KCNMA1: variants seen among roughly 807,000 people sequenced by gnomAD.
The protein encoded by KCNMA1 is Calcium-activated potassium channel subunit alpha-1.
In KCNMA1, 29 loss-of-function variants were observed where a neutral mutation model predicts 140.0. The observed-to-expected ratio is 0.21, with a 90% CI of 0.15 to 0.28. The LOEUF (loss-of-function observed/expected upper bound fraction) is 0.28. KCNMA1 is among the 10% of genes least tolerant of loss of function. KCNMA1 has a pLI of 1.00. For synonymous variants in KCNMA1, 612 were observed against 611.9 expected, an observed-to-expected ratio of 1.00 and a Z score of 0.00; for missense variants, 880 against 1,602.2, an observed-to-expected ratio of 0.55 and a Z score of 7.70.
intron 2 of KCNMA1, among the ~76,000 whole-genome samples, chr10:77,262,931 T>C (rs545151098): frequency 9.2e-5 from 14 of 152,338 alleles, no homozygotes; most frequent in African/African-American, 3.4e-4. Flanking sequence ...TTGCACAATG[T>C]GAATGTACTA....
intron 19 of KCNMA1, among the ~76,000 whole-genome samples, chr10:76,982,153 A>G (rs2079700791): frequency 6.6e-6 from 1 of 152,192 alleles, no homozygotes; most frequent in South Asian, 2.1e-4. Context: ...GATGCACAAT[A>G]AGAGAGAACC....
At chr10:77,587,679 G>T in intron 1 of KCNMA1, 1 of 984,690 alleles carries the variant, frequency 1.0e-6, no homozygotes, top group Non-Finnish European at 1.2e-6. Flanking sequence ...TCTGTGGAAG[G>T]TACACATCAG....
chr10:77,305,528 A>G (rs760939370), intron 2 of KCNMA1, among the ~76,000 whole-genome samples: 2 of 152,332 alleles, frequency 1.3e-5, no homozygotes, highest in South Asian at 4.1e-4. Context: ...ACATCTCTTC[A>G]GGTTCTCAGA....
intron 2 of KCNMA1, among the ~76,000 whole-genome samples, chr10:77,359,879 C>A (rs907014314): frequency 7.9e-5 from 12 of 152,200 alleles, no homozygotes. Context: ...GTGCCTGGCA[C>A]ACAGTAGGTG....
chr10:77,132,970 G>A (rs974609799), intron 5 of KCNMA1, among the ~76,000 whole-genome samples: 12 of 151,992 alleles, frequency 7.9e-5, no homozygotes, highest in African/African-American at 1.9e-4. Flanking sequence ...TAAAATCTCT[G>A]GAAATAAATG....
At chr10:77,262,580 G>T (rs996000874) in intron 2 of KCNMA1, among the ~76,000 whole-genome samples, 2 of 152,012 alleles carry the variant, frequency 1.3e-5, no homozygotes, top group Admixed American at 1.3e-4. Flanking sequence ...AGGCGTTTTG[G>T]TCATGGGGGT....
At chr10:77,072,991 G>T in intron 14 of KCNMA1, 106 bp downstream of exon 14, 1 of 1,059,718 alleles carries the variant, frequency 9.4e-7, no homozygotes, top group Non-Finnish European at 1.5e-6. Context: ...CTTAACCCAA[G>T]TGGTTAGAGC....
intron 1 of KCNMA1, among the ~76,000 whole-genome samples, chr10:77,556,199 T>C (rs1362950695): frequency 2.6e-5 from 4 of 152,066 alleles, no homozygotes; most frequent in Non-Finnish European, 4.4e-5. Flanking sequence ...TCAAAGTAAT[T>C]GCGAGGAATT....
intron 3 of KCNMA1, among the ~76,000 whole-genome samples, chr10:77,207,925 A>G (rs2044673154): frequency 6.6e-6 from 1 of 152,248 alleles, no homozygotes; most frequent in African/African-American, 2.4e-5. Context: ...CAAGCCAGGA[A>G]TGATGGCTCT....
chr10:77,612,599 G>T (rs1486131855), intron 1 of KCNMA1, among the ~76,000 whole-genome samples: 1 of 152,162 alleles, frequency 6.6e-6, no homozygotes, highest in East Asian at 1.9e-4. Flanking sequence ...AGAACAGGCG[G>T]CTGCACAGGC....
Position 77,420,746 on chromosome 10 carries a change from T to C in KCNMA1, c.379-16723A>G, listed in dbSNP as rs185701570. 3.0e-3 allele frequency among the ~76,000 whole-genome samples: 450 copies of C among 152,316 alleles called. 1 individual carries two copies. The highest frequency in any genetic ancestry group is 9.4e-3 in the African/African-American group (392 of 41,578). ...AACCAGGAAGGAAGGTTCTTTAGGT[T>C]GTCAGAGAACACAAAGGGCCTGGCA... On this transcript the variant is annotated intron_variant, in intron 1 of 27. Coordinates refer to ENST00000286628, the MANE Select transcript of KCNMA1 (RefSeq NM_001161352.2).
At chr10:77,021,109 A>G (rs1479019590) in intron 16 of KCNMA1, 6 of 152,204 alleles carry the variant, frequency 3.9e-5, no homozygotes, top group African/African-American at 1.4e-4. Flanking sequence ...CAGTCTTCTT[A>G]TCAAAATACC....
Position 77,183,356 on chromosome 10 carries a change from G to A in KCNMA1, c.808+65C>T, listed in dbSNP as rs1453528327. The A allele has an allele frequency of 3.7e-6, 4 of 1,090,056 alleles. No homozygotes were observed. The African/African-American group carries it at 4.6e-5, about 13-fold the overall frequency. The allele number at this position is 1,090,056 out of a possible 1,614,324, so 67.5% of individuals were successfully genotyped here. On this transcript the variant is annotated intron_variant, in intron 5 of 27. Coordinates refer to ENST00000286628, the MANE Select transcript of KCNMA1 (RefSeq NM_001161352.2). The stretch of plus-strand genomic sequence containing the variant: ...TAGGGAGACAGCCCCCTCATCCACT[G>A]CAAATTCTGTCCTTCAGCCATGACT...
chr10:77,002,911 A>G (rs1412933558), intron 18 of KCNMA1, among the ~76,000 whole-genome samples: 1 of 152,182 alleles, frequency 6.6e-6, no homozygotes, highest in African/African-American at 2.4e-5. Context: ...CACACCTTCC[A>G]TTTTGAAAGT....
At chr10:77,516,781 G>C (rs1033032665) in intron 1 of KCNMA1, among the ~76,000 whole-genome samples, 6 of 152,306 alleles carry the variant, frequency 3.9e-5, no homozygotes, top group South Asian at 2.1e-4. Flanking sequence ...GCAAGTGTAA[G>C]AGGCTAAAAC....
At chr10:77,046,908 C>A (rs934949828) in intron 14 of KCNMA1, among the ~76,000 whole-genome samples, 1 of 152,140 alleles carries the variant, frequency 6.6e-6, no homozygotes, top group African/African-American at 2.4e-5. Context: ...AAGTTGAAGC[C>A]AAAGGAAGAA....
intron 13 of KCNMA1, among the ~76,000 whole-genome samples, chr10:77,076,739 A>G (rs1416718121): frequency 6.6e-6 from 1 of 152,184 alleles, no homozygotes; most frequent in Non-Finnish European, 1.5e-5. Flanking sequence ...AAACCATAAA[A>G]TATGACACAC....
At chr10:77,265,343 C>T (rs1046775836) in intron 2 of KCNMA1, among the ~76,000 whole-genome samples, 1 of 152,230 alleles carries the variant, frequency 6.6e-6, no homozygotes, top group Non-Finnish European at 1.5e-5. Context: ...TGAGCCACTG[C>T]ACCCTGCCAG....
At chr10:77,347,157 C>G (rs1020755996) in intron 2 of KCNMA1, among the ~76,000 whole-genome samples, 6 of 152,102 alleles carry the variant, frequency 3.9e-5, no homozygotes, top group Non-Finnish European at 1.5e-5. Flanking sequence ...AGATCATTTT[C>G]GTAAAGCACC....
Sources: allele counts gnomAD v4.1 joint callset (sites outside exome capture counted in the v4.1 genomes callset), GRCh38; gene constraint gnomAD v4.1.1; transcripts MANE v1.5; gene names NCBI Gene and HGNC (gene_info 2026-07-23, HGNC 2026-07-21).